DNAH3: variants seen among roughly 807,000 people sequenced by gnomAD.
DNAH3 encodes the protein axonemal beta dynein heavy chain 3.
A neutral mutation model predicts 432.5 loss-of-function variants in DNAH3; 332 were observed. The ratio of observed to expected loss-of-function variants is 0.77; its 90% confidence interval spans 0.70 to 0.84. The LOEUF (loss-of-function observed/expected upper bound fraction) is 0.84, where lower values mean the gene tolerates loss of function less well. DNAH3 is among the 40% of genes least tolerant of loss of function. DNAH3 has a pLI of 0.00. For synonymous variants in DNAH3, 1,956 were observed against 1,900.2 expected, an observed-to-expected ratio of 1.03 and a Z score of -0.76; for missense variants, 4,861 against 5,114.0, an observed-to-expected ratio of 0.95 and a Z score of 1.51.
chr16:21,020,397 ATTTT>A (rs56049638), intron 40 of DNAH3, among the ~76,000 whole-genome samples: 2 of 34,592 alleles, frequency 5.8e-5, no homozygotes, highest in African/African-American at 2.4e-4. Context: ...ATATATATAT[ATTTT>A]TTTTTTTTTT....
intron 44 of DNAH3, among the ~76,000 whole-genome samples, 180 bp from the exon 45 acceptor site, chr16:20,988,245 A>G (rs1336580631): frequency 1.3e-5 from 2 of 152,174 alleles, no homozygotes; most frequent in Admixed American, 6.5e-5. Context: ...ATTAATATTA[A>G]ATAACATTAA....
intron 43 of DNAH3, among the ~76,000 whole-genome samples, chr16:20,998,535 G>A (rs542767311): frequency 6.6e-6 from 1 of 152,202 alleles, no homozygotes; most frequent in Non-Finnish European, 1.5e-5. Flanking sequence ...TTACAGGCGT[G>A]AGCCACCACA....
intron 17 of DNAH3, among the ~76,000 whole-genome samples, 175 bp downstream of exon 17, chr16:21,098,441 A>G (rs2091748616): frequency 1.4e-5 from 2 of 146,632 alleles, no homozygotes; most frequent in Admixed American, 1.4e-4. Context: ...CTTGTCTCAA[A>G]AAAAAAAAAA....
At chr16:21,156,883 A>T (rs1194244331) in intron 1 of DNAH3, among the ~76,000 whole-genome samples, 1 of 151,766 alleles carries the variant, frequency 6.6e-6, no homozygotes, top group Non-Finnish European at 1.5e-5. Flanking sequence ...GAAGATTCAC[A>T]GAGACGCCCC....
At chr16:20,933,635 G>T in intron 61 of DNAH3, 128 bp from the exon 62 acceptor site, 1 of 696,790 alleles carries the variant, frequency 1.4e-6, no homozygotes, top group Non-Finnish European at 2.4e-6. Context: ...CAGGATCCAG[G>T]GACAATGGGG....
chr16:21,075,528 T>A (rs746913965), exon 21 of DNAH3: 11 of 1,613,898 alleles, frequency 6.8e-6, no homozygotes, highest in Non-Finnish European at 9.3e-6. Context: ...CCAGAGAGTA[T>A]TCCTTGCTGG....
At chr16:20,982,405 A>T (rs976408710) in intron 49 of DNAH3, among the ~76,000 whole-genome samples, 4 of 151,960 alleles carry the variant, frequency 2.6e-5, no homozygotes, top group African/African-American at 9.7e-5. Context: ...TAAACAAACA[A>T]ACATTGTTTT....
intron 28 of DNAH3, among the ~76,000 whole-genome samples, chr16:21,052,617 G>A (rs928323160): frequency 5.9e-5 from 9 of 152,064 alleles, no homozygotes; most frequent in Non-Finnish European, 1.2e-4. Flanking sequence ...TGAATATATA[G>A]GTACATACAT....
At chr16:20,968,718 C>G (rs1449873773) in intron 52 of DNAH3, among the ~76,000 whole-genome samples, 3 of 151,882 alleles carry the variant, frequency 2.0e-5, no homozygotes, top group Admixed American at 1.3e-4. Flanking sequence ...CTCTGCCTCT[C>G]TTTGCCCTTG....
At chr16:21,007,700 A>C (rs2087382502) in intron 41 of DNAH3, among the ~76,000 whole-genome samples, 1 of 152,158 alleles carries the variant, frequency 6.6e-6, no homozygotes, top group South Asian at 2.1e-4. Flanking sequence ...GAAAGTTTTT[A>C]ATTTTAATGA....
At position 20,949,984 on chromosome 16, in the gene DNAH3, A is replaced by T. The variant is rs529943321; in HGVS notation, c.11189-1347T>A. 1.2e-4 allele frequency among the ~76,000 whole-genome samples: 18 copies of T among 152,178 alleles called. No homozygotes were observed. The East Asian group carries it at 3.5e-3, about 29-fold the overall frequency. On this transcript the variant is annotated intron_variant, in intron 56 of 61. Transcript: ENST00000261383. ...TAGGATGTGCTTCTGCATGACCTGGAACTGTGGGAATATGGTTCACTTCTA... is the reference window on the plus strand; with the variant it reads ...TAGGATGTGCTTCTGCATGACCTGGTACTGTGGGAATATGGTTCACTTCTA...
chr16:21,153,751 G>A (rs551160043), intron 1 of DNAH3, among the ~76,000 whole-genome samples: 2 of 152,096 alleles, frequency 1.3e-5, no homozygotes, highest in Admixed American at 1.3e-4. Context: ...GCTACCTTAA[G>A]AGCTGTAACA....
rs1015639080 is a variant in DNAH3 at position 21,104,608 on chromosome 16, A to G, written c.2285-56T>C. ...TGATGTCCTCATCTGCAAAACACAT[A>G]CTGCCTGCTCCAGGACACTGTTTAG... On this transcript the variant is annotated intron_variant, in intron 15 of 61. Coordinates refer to ENST00000261383, the Ensembl canonical transcript of DNAH3. 3 of 1,439,292 alleles carry G rather than the reference A, an allele frequency of 2.1e-6. No homozygotes were observed. In the Admixed American group the frequency reaches 5.0e-5, roughly 24 times the overall value. 89.2% of individuals were successfully genotyped at this position (1,439,292 alleles called of 1,614,324 possible).
At chr16:20,976,376 A>G (rs541774614) in intron 50 of DNAH3, among the ~76,000 whole-genome samples, 14 of 152,096 alleles carry the variant, frequency 9.2e-5, no homozygotes, top group African/African-American at 3.4e-4. Context: ...TATTTTTAGT[A>G]GAGATGGGGT....
At position 20,972,764 on chromosome 16, in the gene DNAH3, G is replaced by A. The variant is rs950413314; in HGVS notation, c.8259+2469C>T. 2.1e-4 allele frequency among the ~76,000 whole-genome samples: 5 copies of A among 23,538 alleles called. No individual in the cohort carries two copies. The East Asian group carries it at 5.2e-3, about 25-fold the overall frequency. 15.4% of individuals were successfully genotyped at this position (23,538 alleles called of 152,430 possible). ...ATTTTTTTTTTTTTTTTTTTTTTTTGGTCACTCAGGCTGGAGTGCAGTGGC... is the reference window on the plus strand; with the variant it reads ...ATTTTTTTTTTTTTTTTTTTTTTTTAGTCACTCAGGCTGGAGTGCAGTGGC... On this transcript the variant is annotated intron_variant, in intron 51 of 61. Transcript: ENST00000261383.
intron 38 of DNAH3, among the ~76,000 whole-genome samples, chr16:21,025,486 ATTATAGATGTAATTATAGATATAACATAT>A (rs1196020136): frequency 1.4e-5 from 2 of 147,950 alleles, no homozygotes; most frequent in Non-Finnish European, 3.0e-5. Context: ...TAATTATGTA[ATTATAGATGTAATTATAGATATAACATAT>A]TTATAGATGT....
intron 54 of DNAH3, among the ~76,000 whole-genome samples, chr16:20,956,013 C>T (rs2084548118): frequency 6.6e-6 from 1 of 151,962 alleles, no homozygotes; most frequent in African/African-American, 2.4e-5. Context: ...CTGCAACCTC[C>T]ACCTCCCAGG....
chr16:20,952,082 TGGTC>T (rs2084341222), intron 56 of DNAH3, among the ~76,000 whole-genome samples: 1 of 152,048 alleles, frequency 6.6e-6, no homozygotes, highest in African/African-American at 2.4e-5. Context: ...TTCAATATGT[TGGTC>T]GGGCTGGTCT....
At chr16:21,010,084 G>A (rs1467936060) in intron 41 of DNAH3, among the ~76,000 whole-genome samples, 4 of 152,138 alleles carry the variant, frequency 2.6e-5, no homozygotes, top group Non-Finnish European at 5.9e-5. Flanking sequence ...TGTCAAACTC[G>A]GAAAATCACT....
Sources: gnomAD v4.1 joint callset for allele counts (sites outside exome capture counted in the v4.1 genomes callset) on GRCh38, gnomAD v4.1.1 for gene constraint, MANE v1.5 for transcripts, NCBI Gene and HGNC (gene_info 2026-07-23, HGNC 2026-07-21) for gene names.